Variants in CWC27 observed in about 807,000 individuals in gnomAD.
CWC27 encodes the protein spliceosome-associated protein CWC27 homolog.
Under a neutral mutation model 63.6 loss-of-function variants are expected in CWC27, and 47 were observed. The observed-to-expected ratio is 0.74, with a 90% CI of 0.58 to 0.94. The LOEUF (loss-of-function observed/expected upper bound fraction) is 0.94, where lower values mean the gene tolerates loss of function less well. Among genes scored for constraint, CWC27 ranks in the 40% least tolerant of loss-of-function variants. The pLI, the probability that CWC27 is intolerant of heterozygous loss-of-function variation, is 0.00. For synonymous variants in CWC27, 175 were observed against 179.8 expected, an observed-to-expected ratio of 0.97 and a Z score of 0.22; for missense variants, 495 against 554.3, an observed-to-expected ratio of 0.89 and a Z score of 1.07.
intron 11 of CWC27, among the ~76,000 whole-genome samples, chr5:64,910,953 C>T (rs1466850221): frequency 6.6e-6 from 1 of 152,190 alleles, no homozygotes; most frequent in Non-Finnish European, 1.5e-5. Flanking sequence ...CCTCCGTGGG[C>T]TGCACCCATT....
intron 11 of CWC27, among the ~76,000 whole-genome samples, chr5:64,960,906 C>A (rs1218494973): frequency 6.7e-6 from 1 of 148,308 alleles, no homozygotes; most frequent in Non-Finnish European, 1.5e-5. Flanking sequence ...CACCACTACA[C>A]CCAGCTCAAT....
intron 10 of CWC27, among the ~76,000 whole-genome samples, chr5:64,836,064 A>G (rs896083187): frequency 1.1e-4 from 17 of 151,980 alleles, no homozygotes; most frequent in African/African-American, 4.1e-4. Context: ...CTATCAGTTT[A>G]GCAAGTATTT....
chr5:65,000,807 G>C (rs1391559252), intron 13 of CWC27, among the ~76,000 whole-genome samples: 1 of 151,806 alleles, frequency 6.6e-6, no homozygotes, highest in African/African-American at 2.4e-5. Flanking sequence ...ATGGCTATTT[G>C]GTGTCTTTTG....
chr5:64,986,996 G>T (rs1273269869), intron 13 of CWC27, among the ~76,000 whole-genome samples: 1 of 152,100 alleles, frequency 6.6e-6, no homozygotes, highest in African/African-American at 2.4e-5. Context: ...CATGTTAGAA[G>T]TGAAACCAGA....
intron 10 of CWC27, among the ~76,000 whole-genome samples, chr5:64,867,679 G>A (rs1010399534): frequency 1.9e-4 from 29 of 152,180 alleles, no homozygotes; most frequent in African/African-American, 7.0e-4. Context: ...TATCAGCCAT[G>A]ATATTCCAGC....
At chr5:64,940,519 G>A (rs1001215065) in intron 11 of CWC27, among the ~76,000 whole-genome samples, 6 of 152,248 alleles carry the variant, frequency 3.9e-5, no homozygotes, top group African/African-American at 1.4e-4. Flanking sequence ...CTTCTGCATT[G>A]ATCTTGCTGG....
intron 13 of CWC27, among the ~76,000 whole-genome samples, chr5:64,985,877 T>C (rs1282852338): frequency 2.0e-5 from 3 of 152,194 alleles, no homozygotes; most frequent in Non-Finnish European, 4.4e-5. Flanking sequence ...GGGCTTTTCA[T>C]AGATGTCTTT....
chr5:64,812,936 C>T (rs1049768641), intron 10 of CWC27, among the ~76,000 whole-genome samples: 3 of 151,984 alleles, frequency 2.0e-5, no homozygotes, highest in African/African-American at 7.2e-5. Context: ...GATCAAAATA[C>T]CAGATTTAAA....
At chr5:64,844,748 A>T (rs971939375) in intron 10 of CWC27, among the ~76,000 whole-genome samples, 2 of 152,202 alleles carry the variant, frequency 1.3e-5, no homozygotes, top group Admixed American at 6.5e-5. Context: ...AGGCAGGGAG[A>T]TTTCCACTTT....
intron 10 of CWC27, among the ~76,000 whole-genome samples, chr5:64,863,936 T>C (rs1481815290): frequency 6.6e-6 from 1 of 152,218 alleles, no homozygotes; most frequent in African/African-American, 2.4e-5. Flanking sequence ...GTTACTTCAG[T>C]AGGAGTTGCA....
chr5:64,827,358 A>C (rs1745391842), intron 10 of CWC27, among the ~76,000 whole-genome samples: 1 of 152,136 alleles, frequency 6.6e-6, no homozygotes, highest in Admixed American at 6.6e-5. Context: ...ATAAGCTTTT[A>C]TACCACGTTT....
intron 13 of CWC27, among the ~76,000 whole-genome samples, chr5:65,016,373 C>T (rs184351187): frequency 1.2e-4 from 19 of 152,104 alleles, no homozygotes; most frequent in Admixed American, 6.5e-5. Context: ...TGGTGGCATG[C>T]GCTTGTAATC....
At chr5:64,854,122 T>C (rs1561435568) in intron 10 of CWC27, among the ~76,000 whole-genome samples, 1 of 152,222 alleles carries the variant, frequency 6.6e-6, no homozygotes, top group Non-Finnish European at 1.5e-5. Context: ...TTTATGCAGG[T>C]CATACTATGT....
intron 7 of CWC27, among the ~76,000 whole-genome samples, chr5:64,798,751 C>T (rs577106974): frequency 2.8e-4 from 42 of 152,250 alleles, no homozygotes; most frequent in South Asian, 4.1e-4. Context: ...GTTTTCATCT[C>T]TCTGTGTCTG....
Position 64,854,800 on chromosome 5 carries a change from G to A in CWC27, c.939-30643G>A, listed in dbSNP as rs534052908. On this transcript the variant is annotated intron_variant, in intron 10 of 13. Transcript: ENST00000381070. ...TCACTGTCCTAGCTTAGGGTCATAA[G>A]CCATCATGGCTTTAGTAATCTGCTT... 2.6e-5 allele frequency among the ~76,000 whole-genome samples: 4 copies of A among 152,218 alleles called. No individual in the cohort carries two copies. The South Asian group carries it at 6.2e-4, about 24-fold the overall frequency.
At chr5:64,830,242 G>A (rs1580651432) in intron 10 of CWC27, among the ~76,000 whole-genome samples, 1 of 149,694 alleles carries the variant, frequency 6.7e-6, no homozygotes, top group Non-Finnish European at 1.5e-5. Flanking sequence ...CATTGTTCAA[G>A]TCCCACCTAT....
At chr5:65,004,306 A>G (rs1310579059) in intron 13 of CWC27, among the ~76,000 whole-genome samples, 6 of 147,890 alleles carry the variant, frequency 4.1e-5, no homozygotes, top group African/African-American at 2.5e-5. Flanking sequence ...GCTTTTGCCC[A>G]TCTCTTCTTC....
intron 7 of CWC27, among the ~76,000 whole-genome samples, chr5:64,798,532 T>A (rs757424627): frequency 6.6e-6 from 1 of 152,226 alleles, no homozygotes; most frequent in Admixed American, 6.5e-5. Flanking sequence ...ATTAATTGCA[T>A]AATTCAGATT....
intron 11 of CWC27, among the ~76,000 whole-genome samples, chr5:64,909,431 A>G (rs1039715939): frequency 2.0e-5 from 3 of 152,090 alleles, no homozygotes; most frequent in African/African-American, 7.2e-5. Flanking sequence ...GTTCTTCTCA[A>G]GGAGTATCTT....
Sources: allele counts gnomAD v4.1 joint callset (sites outside exome capture counted in the v4.1 genomes callset), GRCh38; gene constraint gnomAD v4.1.1; transcripts MANE v1.5; gene names NCBI Gene and HGNC (gene_info 2026-07-23, HGNC 2026-07-21).